The following ANXA8 variants were observed in gnomAD, a reference collection of about 807,000 sequenced individuals.
The protein encoded by ANXA8 is annexin A8.
In ANXA8, 9 loss-of-function variants were observed where a neutral mutation model predicts 26.8. The ratio of observed to expected loss-of-function variants is 0.34; its 90% confidence interval spans 0.20 to 0.59. The LOEUF is 0.59. ANXA8 is among the 20% of genes least tolerant of loss of function. The pLI is 0.84. For missense variants in ANXA8, 83 were observed against 238.5 expected, an observed-to-expected ratio of 0.35 and a Z score of 4.29; for synonymous variants, 39 against 94.8, an observed-to-expected ratio of 0.41 and a Z score of 3.42.
the ANXA8 span, among the ~76,000 whole-genome samples, chr10:47,621,458 T>C: frequency 8.0e-4 from 89 of 111,760 alleles, 10 homozygotes; most frequent in Admixed American, 1.6e-3. Flanking sequence ...CACTAGCATG[T>C]GTAAATAGAG....
the ANXA8 span, among the ~76,000 whole-genome samples, chr10:47,702,693 G>T: frequency 4.0e-4 from 61 of 151,804 alleles, 2 homozygotes; most frequent in East Asian, 0.012. Flanking sequence ...GAGTACAGTG[G>T]TGCGATCTCG....
the ANXA8 span, among the ~76,000 whole-genome samples, chr10:47,611,911 C>T: frequency 5.4e-5 from 4 of 73,938 alleles, 2 homozygotes; most frequent in Non-Finnish European, 1.4e-4. Flanking sequence ...AATCATTTCC[C>T]CTGGCTACTA....
chr10:47,937,467 T>A, the ANXA8 span, among the ~76,000 whole-genome samples: 3 of 149,304 alleles, frequency 2.0e-5, no homozygotes, highest in South Asian at 2.1e-4. Flanking sequence ...ATTTATTTTT[T>A]AAAATCTTTT....
At chr10:47,486,063 A>C (rs1432305547), upstream of ANXA8, among the ~76,000 whole-genome samples, 1 of 151,620 alleles carries the variant, frequency 6.6e-6, no homozygotes, top group Non-Finnish European at 1.5e-5. Flanking sequence ...AGCCAAGAAC[A>C]TGCCACTGCA....
chr10:47,566,674 A>G, the ANXA8 span, among the ~76,000 whole-genome samples: 6 of 141,732 alleles, frequency 4.2e-5, no homozygotes, highest in Admixed American at 2.8e-4. Flanking sequence ...GCTGAGGAAT[A>G]GAACAGTGTG....
chr10:47,974,710 G>A, the ANXA8 span, among the ~76,000 whole-genome samples: 1 of 147,334 alleles, frequency 6.8e-6, no homozygotes, highest in African/African-American at 2.5e-5. Context: ...AGTTTTGAGA[G>A]ATCTTCTTGA....
the ANXA8 span, among the ~76,000 whole-genome samples, chr10:47,559,783 TCTATCCCCTC>T: frequency 6.6e-6 from 1 of 151,902 alleles, no homozygotes; most frequent in African/African-American, 2.4e-5. Context: ...TGCATTCACT[TCTATCCCCTC>T]CTTGTCCCTA....
At chr10:47,658,973 G>C in the ANXA8 span, among the ~76,000 whole-genome samples, 2 of 149,484 alleles carry the variant, frequency 1.3e-5, no homozygotes, top group African/African-American at 5.1e-5. Context: ...CCAGGTTCAT[G>C]CCATTCTCCT....
the ANXA8 span, among the ~76,000 whole-genome samples, chr10:47,513,410 C>T: frequency 7.0e-6 from 1 of 142,108 alleles, no homozygotes; most frequent in Non-Finnish European, 1.5e-5. Flanking sequence ...AATGGAAAGA[C>T]ACCCATGCTC....
At chr10:47,621,912 GA>G in the ANXA8 span, among the ~76,000 whole-genome samples, 5 of 82,314 alleles carry the variant, frequency 6.1e-5, 1 homozygote, top group East Asian at 5.0e-4. Context: ...GTTGTGAGAA[GA>G]AAAAAAAATC....
chr10:47,951,249 G>A, the ANXA8 span, among the ~76,000 whole-genome samples: 1 of 150,552 alleles, frequency 6.6e-6, no homozygotes, highest in South Asian at 2.1e-4. Context: ...AGAAAAAATA[G>A]ATAATCTGAA....
the ANXA8 span, among the ~76,000 whole-genome samples, chr10:47,510,798 C>T: frequency 1.0e-5 from 1 of 97,916 alleles, no homozygotes; most frequent in African/African-American, 5.0e-5. Flanking sequence ...CCACTGCACT[C>T]CAGGCCGGGA....
At chr10:47,645,679 G>A in the ANXA8 span, among the ~76,000 whole-genome samples, 3 of 151,648 alleles carry the variant, frequency 2.0e-5, no homozygotes, top group East Asian at 5.8e-4. Context: ...TGCCCACATG[G>A]CTGATAAAAC....
the ANXA8 span, among the ~76,000 whole-genome samples, chr10:47,496,769 G>A: frequency 6.7e-6 from 1 of 149,312 alleles, no homozygotes; most frequent in Admixed American, 6.7e-5. Flanking sequence ...ATTGTCTGAT[G>A]TATTTCCATG....
chr10:47,693,589 C>A, the ANXA8 span, among the ~76,000 whole-genome samples: 2 of 151,902 alleles, frequency 1.3e-5, no homozygotes, highest in African/African-American at 4.8e-5. Context: ...CGCGCCCGGC[C>A]GAGTACAATC....
the ANXA8 span, among the ~76,000 whole-genome samples, chr10:47,873,369 A>C: frequency 1.9e-5 from 2 of 107,054 alleles, no homozygotes; most frequent in Non-Finnish European, 4.0e-5. Context: ...TGTTTTTCCC[A>C]TTGCTGTGGA....
the ANXA8 span, among the ~76,000 whole-genome samples, chr10:47,703,558 ACT>A: frequency 6.7e-6 from 1 of 148,470 alleles, no homozygotes; most frequent in East Asian, 2.0e-4. Flanking sequence ...ACAGAGTGAG[ACT>A]CTGTCTCAAG....
the ANXA8 span, among the ~76,000 whole-genome samples, chr10:47,663,181 C>CA: frequency 7.6e-5 from 11 of 145,350 alleles, no homozygotes; most frequent in East Asian, 9.8e-4. Flanking sequence ...GACCCTATCT[C>CA]AAAAAAAAGA....
the ANXA8 span, among the ~76,000 whole-genome samples, chr10:47,767,621 G>A: frequency 7.2e-4 from 109 of 150,894 alleles, no homozygotes; most frequent in Admixed American, 1.4e-3. Flanking sequence ...CTATTCTAGC[G>A]CTTTGTCCAT....
Sources: allele counts gnomAD v4.1 joint callset (sites outside exome capture counted in the v4.1 genomes callset), GRCh38; gene constraint gnomAD v4.1.1; transcripts MANE v1.5; gene names NCBI Gene and HGNC (gene_info 2026-07-23, HGNC 2026-07-21).